FAXDC2: variants seen among roughly 807,000 people sequenced by gnomAD.
FAXDC2 encodes fatty acid hydroxylase domain containing 2.
A neutral mutation model predicts 40.9 loss-of-function variants in FAXDC2; 41 were observed. The observed-to-expected ratio is 1.00, with a 90% CI of 0.78 to 1.30. The LOEUF is 1.30. FAXDC2 is among the 50% of genes most tolerant of loss of function. The pLI is 0.00. For missense variants in FAXDC2, 390 were observed against 408.8 expected (o/e 0.95, Z 0.40); for synonymous variants, 157 against 149.3 (o/e 1.05, Z -0.38).
intron 1 of FAXDC2, among the ~76,000 whole-genome samples, chr5:154,841,739 C>CT (rs796908969): frequency 0.037 from 5,103 of 139,294 alleles, 227 homozygotes; most frequent in African/African-American, 0.11. Context: ...AAGTCATATT[C>CT]TTTTTTTTTT....
At position 154,820,684 on chromosome 5, in the gene FAXDC2, C is replaced by G. The variant is rs144232837; in HGVS notation, c.846-212G>C. On this transcript the variant is annotated intron_variant, in intron 8 of 8. Coordinates refer to ENST00000326080, the MANE Select transcript of FAXDC2 (RefSeq NM_032385.5). ...CCTGCAATTTGCCGTATCTGGAGTC[C>G]TCCTTTGAAAAGCTTGCTGTGTGAT... 672 of 463,414 alleles carry G rather than the reference C, an allele frequency of 1.5e-3. 2 individuals are homozygous for G. The highest frequency in any genetic ancestry group is 0.011 in the African/African-American group (557 of 49,018). 28.7% of individuals were successfully genotyped at this position (463,414 alleles called of 1,614,324 possible). A position where few individuals can be genotyped will look rare whatever the true frequency, so the allele number is the denominator to read the frequency against.
chr5:154,830,958 T>G, intron 4 of FAXDC2, 36 bp from the exon 5 acceptor site: 3 of 1,610,870 alleles, frequency 1.9e-6, no homozygotes, highest in Non-Finnish European at 2.5e-6. Flanking sequence ...AGGGCGACTT[T>G]GGGTTCTCAC....
intron 4 of FAXDC2, among the ~76,000 whole-genome samples, chr5:154,832,271 T>G (rs1363554384): frequency 6.6e-6 from 1 of 151,558 alleles, no homozygotes; most frequent in Non-Finnish European, 1.5e-5. Flanking sequence ...TGGAGTGCAG[T>G]GGCGTGAGCT....
intron 8 of FAXDC2, 51 bp from the exon 9 acceptor site, chr5:154,820,523 A>C: frequency 6.7e-7 from 1 of 1,488,184 alleles, no homozygotes; most frequent in South Asian, 1.3e-5. Flanking sequence ...GCTTCCGTGC[A>C]GATCCCATTT....
At chr5:154,837,423 C>T (rs1005386569) in intron 2 of FAXDC2, among the ~76,000 whole-genome samples, 4 of 152,116 alleles carry the variant, frequency 2.6e-5, no homozygotes, top group African/African-American at 4.8e-5. Context: ...GCCACTGTAA[C>T]CCACCAGAAC....
chr5:154,833,901 C>G (rs1213423652), intron 4 of FAXDC2, among the ~76,000 whole-genome samples: 3 of 151,602 alleles, frequency 2.0e-5, no homozygotes, highest in Non-Finnish European at 4.4e-5. Flanking sequence ...AACTCCTGAC[C>G]TCGTGATCCA....
intron 1 of FAXDC2, among the ~76,000 whole-genome samples, chr5:154,842,163 C>T (rs144666722): frequency 1.7e-3 from 259 of 152,060 alleles, no homozygotes; most frequent in African/African-American, 5.7e-3. Flanking sequence ...TTTCATTTCC[C>T]CCACCCTTGT....
At chr5:154,831,309 T>G (rs888675552) in intron 4 of FAXDC2, 1 of 177,950 alleles carries the variant, frequency 5.6e-6, no homozygotes, top group Non-Finnish European at 1.2e-5. Flanking sequence ...GTACTCTGTA[T>G]GGTATGGGTC....
At chr5:154,844,365 G>A (rs1250006917) in intron 1 of FAXDC2, among the ~76,000 whole-genome samples, 1 of 147,694 alleles carries the variant, frequency 6.8e-6, no homozygotes, top group Non-Finnish European at 1.5e-5. Flanking sequence ...CTGGATGACA[G>A]AGCAAGACCC....
chr5:154,823,865 C>T (rs1759951676), intron 5 of FAXDC2: 2 of 439,250 alleles, frequency 4.6e-6, no homozygotes, highest in African/African-American at 4.0e-5. Context: ...TGCACATTAT[C>T]ACCACTGCCC....
intron 4 of FAXDC2, 52 bp from the exon 5 acceptor site, chr5:154,830,974 A>G (rs533725831): frequency 9.4e-6 from 15 of 1,603,314 alleles, no homozygotes; most frequent in Non-Finnish European, 1.1e-5. Flanking sequence ...CTCACAGCAC[A>G]TAGACTAACA....
At chr5:154,824,116 A>G (rs1759960031) in intron 5 of FAXDC2, 1 of 253,930 alleles carries the variant, frequency 3.9e-6, no homozygotes, top group Middle Eastern at 1.3e-3. Context: ...CTGCTTATCC[A>G]GCTTCTTGAC....
intron 5 of FAXDC2, among the ~76,000 whole-genome samples, chr5:154,828,240 C>T (rs1760093431): frequency 6.6e-6 from 1 of 152,108 alleles, no homozygotes; most frequent in Admixed American, 6.6e-5. Flanking sequence ...ATTCTTCTGG[C>T]TCAGCCTCCC....
intron 7 of FAXDC2, 31 bp from the exon 8 acceptor site, chr5:154,821,457 T>A: frequency 6.3e-7 from 1 of 1,588,294 alleles, no homozygotes. Context: ...GAAGGCAGGG[T>A]CCAGGGAGAT....
At chr5:154,827,503 G>T (rs1442922482) in intron 5 of FAXDC2, among the ~76,000 whole-genome samples, 2 of 148,280 alleles carry the variant, frequency 1.3e-5, no homozygotes, top group East Asian at 2.0e-4. Flanking sequence ...CTGTCACCCA[G>T]GCTGGAGTGC....
chr5:154,820,101 G>A lies in FAXDC2; in HGVS notation c.*215C>T. On this transcript the variant is annotated 3_prime_UTR_variant, in exon 9 of 9. Transcript: ENST00000326080. ...GGAGCTGTGTTTTCCTTTTTCTTAA[G>A]CTAACTCCTGATCCCATTGAGGGAC... The A allele has an allele frequency of 4.1e-6, 2 of 493,440 alleles. No individual in the cohort carries two copies. Among genetic ancestry groups the A allele is most frequent in the South Asian group, 2.8e-5 (1 of 35,914 alleles). 30.6% of individuals were successfully genotyped at this position (493,440 alleles called of 1,614,324 possible).
In FAXDC2 at chr5:154,820,430, G is replaced by C. The variant is rs1341462405; in HGVS notation, c.888C>G (p.Leu296=). 3.7e-6 allele frequency: 6 copies of C among 1,613,098 alleles called. No individual in the cohort carries two copies. The South Asian group carries it at 4.4e-5, about 12-fold the overall frequency. ...GCTTGAACATGGTGTCAGTCCCATGGAGGTGGTCCAGCACACCCAGCACCC... is the reference window on the plus strand; with the variant it reads ...GCTTGAACATGGTGTCAGTCCCATGCAGGTGGTCCAGCACACCCAGCACCC... The part of the protein sequence containing the change: ...CYGVLGVLDH[L]HGTDTMFKQT... Residue 296 remains leucine, a synonymous_variant, in exon 9 of 9, where the codon CTC becomes CTG. Transcript: ENST00000326080.
At chr5:154,844,654 TC>T (rs1227578548) in intron 1 of FAXDC2, among the ~76,000 whole-genome samples, 1 of 152,248 alleles carries the variant, frequency 6.6e-6, no homozygotes, top group Non-Finnish European at 1.5e-5. Context: ...GTTCTATATA[TC>T]CTTTTATTGG....
intron 4 of FAXDC2, 150 bp from the exon 5 acceptor site, chr5:154,831,072 G>A (rs915129948): frequency 6.5e-6 from 5 of 769,992 alleles, no homozygotes; most frequent in Non-Finnish European, 1.0e-5. Flanking sequence ...GGGGTTACCT[G>A]TAGTCTTGGG....
Sources: gnomAD v4.1 joint callset for allele counts (sites outside exome capture counted in the v4.1 genomes callset) on GRCh38, gnomAD v4.1.1 for gene constraint, MANE v1.5 for transcripts, NCBI Gene and HGNC (gene_info 2026-07-23, HGNC 2026-07-21) for gene names.